Variants in AGK observed in about 807,000 individuals in gnomAD.
AGK encodes the protein acylglycerol kinase, mitochondrial.
Under a neutral mutation model 66.4 loss-of-function variants are expected in AGK, and 52 were observed. The ratio of observed to expected loss-of-function variants is 0.78; its 90% CI spans 0.63 to 0.99. AGK has a LOEUF of 0.99. AGK is among the 50% of genes least tolerant of loss of function. The pLI is 0.00. For missense variants in AGK, 451 were observed against 506.6 expected (o/e 0.89, Z 1.05); for synonymous variants, 182 against 181.1 (o/e 1.00, Z -0.04).
intron 2 of AGK, among the ~76,000 whole-genome samples, chr7:141,557,949 A>G (rs1179526380): frequency 2.0e-5 from 3 of 152,120 alleles, no homozygotes; most frequent in Non-Finnish European, 4.4e-5. Context: ...GATCTCTAGA[A>G]CTTTTTCATC....
intron 3 of AGK, among the ~76,000 whole-genome samples, chr7:141,594,937 C>T (rs1215979502): frequency 2.0e-5 from 3 of 152,210 alleles, no homozygotes; most frequent in African/African-American, 7.2e-5. Context: ...AGGTGTGAGC[C>T]ACCTTGCCTG....
chr7:141,612,540 A>T (rs1796611955), intron 6 of AGK, among the ~76,000 whole-genome samples: 1 of 152,158 alleles, frequency 6.6e-6, no homozygotes, highest in African/African-American at 2.4e-5. Flanking sequence ...ACTTTGGGTG[A>T]TGATAATAAG....
intron 2 of AGK, among the ~76,000 whole-genome samples, chr7:141,578,412 T>C (rs1748277683): frequency 6.6e-6 from 1 of 151,952 alleles, no homozygotes. Flanking sequence ...CTTCGGGCCA[T>C]CTGGACATAT....
intron 4 of AGK, among the ~76,000 whole-genome samples, chr7:141,600,259 A>G (rs1796315111): frequency 6.6e-6 from 1 of 152,138 alleles, no homozygotes; most frequent in South Asian, 2.1e-4. Context: ...TAAAAGGTCA[A>G]CTAATTGGTA....
At chr7:141,652,606 A>C (rs1226248713) in intron 15 of AGK, 181 bp from the exon 16 acceptor site, 1 of 521,582 alleles carries the variant, frequency 1.9e-6, no homozygotes, top group Non-Finnish European at 3.4e-6. Context: ...ATGTTTCCAG[A>C]ACCAGCACTG....
chr7:141,565,091 C>T (rs1795441010), intron 2 of AGK, among the ~76,000 whole-genome samples: 1 of 152,138 alleles, frequency 6.6e-6, no homozygotes, highest in African/African-American at 2.4e-5. Flanking sequence ...GGACTCTGCC[C>T]TAGGCCTTCT....
At chr7:141,571,964 G>A (rs1479613203) in intron 2 of AGK, among the ~76,000 whole-genome samples, 2 of 152,142 alleles carry the variant, frequency 1.3e-5, no homozygotes, top group Non-Finnish European at 1.5e-5. Flanking sequence ...GTTAAGTCCT[G>A]CAGAATGAGT....
chr7:141,636,527 T>C (rs1314966975), intron 10 of AGK, among the ~76,000 whole-genome samples: 1 of 152,112 alleles, frequency 6.6e-6, no homozygotes, highest in Non-Finnish European at 1.5e-5. Flanking sequence ...TTATAAGCAA[T>C]GTAGAGATGA....
chr7:141,589,812 G>A (rs929014238), intron 2 of AGK, among the ~76,000 whole-genome samples: 3 of 152,086 alleles, frequency 2.0e-5, no homozygotes, highest in Non-Finnish European at 2.9e-5. Context: ...CGCCCATCTC[G>A]GCATCCCAAA....
chr7:141,593,219 T>C (rs1234976053), intron 3 of AGK, 34 bp downstream of exon 3: 9 of 1,593,524 alleles, frequency 5.6e-6, no homozygotes, highest in Non-Finnish European at 7.7e-6. Flanking sequence ...ATTAAGCCCC[T>C]CCTTATCTTC....
chr7:141,634,647 TGCTGAGCAGGACTGCAGG>T (rs1797131575), intron 10 of AGK, among the ~76,000 whole-genome samples: 1 of 152,188 alleles, frequency 6.6e-6, no homozygotes, highest in African/African-American at 2.4e-5. Flanking sequence ...GGCAAGGGCT[TGCTGAGCAGGACTGCAGG>T]GGACACCATG....
chr7:141,612,728 C>T (rs569478072), intron 6 of AGK, among the ~76,000 whole-genome samples: 1 of 152,246 alleles, frequency 6.6e-6, no homozygotes, highest in African/African-American at 2.4e-5. Context: ...AATAAAGATA[C>T]CCTTAATGCT....
intron 14 of AGK, 144 bp downstream of exon 14, chr7:141,649,477 C>A (rs991240179): frequency 5.5e-5 from 36 of 657,438 alleles, no homozygotes; most frequent in Non-Finnish European, 8.0e-5. Context: ...TTCCTATGGG[C>A]TGACATGTAG....
intron 6 of AGK, 45 bp from the exon 7 acceptor site, chr7:141,614,085 TTCTTTTATTGTAAAGG>T: frequency 8.0e-7 from 1 of 1,251,610 alleles, no homozygotes; most frequent in Non-Finnish European, 1.1e-6. Context: ...TTGAATCCAA[TTCTTTTATTGTAAAGG>T]AAATACATAT....
At chr7:141,615,050 T>G (rs1048604531) in intron 7 of AGK, among the ~76,000 whole-genome samples, 5 of 152,238 alleles carry the variant, frequency 3.3e-5, no homozygotes, top group South Asian at 4.1e-4. Flanking sequence ...GTACTTAAGA[T>G]AGTTTATAAA....
intron 2 of AGK, among the ~76,000 whole-genome samples, chr7:141,578,198 G>A (rs1795795329): frequency 1.3e-5 from 2 of 151,912 alleles, no homozygotes; most frequent in South Asian, 4.2e-4. Flanking sequence ...AGATGGGGTG[G>A]GGCCATTTTA....
chr7:141,632,346 A>G (rs1290975245), intron 9 of AGK, among the ~76,000 whole-genome samples: 2 of 151,498 alleles, frequency 1.3e-5, no homozygotes, highest in African/African-American at 2.4e-5. Flanking sequence ...TAGCTCCTTT[A>G]TTGTTGGTAC....
chr7:141,590,720 C>T (rs943684704), intron 2 of AGK, among the ~76,000 whole-genome samples: 2 of 152,052 alleles, frequency 1.3e-5, no homozygotes, highest in Non-Finnish European at 2.9e-5. Flanking sequence ...TAGTTTCTAC[C>T]CTGAATTTAC....
intron 9 of AGK, among the ~76,000 whole-genome samples, 182 bp downstream of exon 9, chr7:141,621,983 C>A (rs1796835784): frequency 6.6e-6 from 1 of 152,130 alleles, no homozygotes; most frequent in Non-Finnish European, 1.5e-5. Flanking sequence ...GTTGTTATCA[C>A]TAATTAATAT....
Sources: allele counts gnomAD v4.1 joint callset (sites outside exome capture counted in the v4.1 genomes callset), GRCh38; gene constraint gnomAD v4.1.1; transcripts MANE v1.5; gene names NCBI Gene and HGNC (gene_info 2026-07-23, HGNC 2026-07-21).